Variants in NEMP2 observed in about 807,000 individuals in gnomAD.
NEMP2 encodes the protein UPF0571 transmembrane protein.
NEMP2 carries 53 observed loss-of-function variants against 54.2 expected under a neutral mutation model. The observed-to-expected ratio is 0.98, with a 90% CI of 0.78 to 1.23. The LOEUF is 1.23. Among genes scored for constraint, NEMP2 ranks in the 50% most tolerant of loss-of-function variants. The pLI, the probability that NEMP2 is intolerant of heterozygous loss-of-function variation, is 0.00. For missense variants in NEMP2, 455 were observed against 511.3 expected (o/e 0.89, Z 1.06); for synonymous variants, 197 against 190.3 (o/e 1.04, Z -0.29).
At chr2:190,550,286 T>C in the NEMP2 span, among the ~76,000 whole-genome samples, 1 of 152,152 alleles carries the variant, frequency 6.6e-6, no homozygotes, top group Non-Finnish European at 1.5e-5. The surrounding 1 kb of genome is among the most constrained non-coding windows in gnomAD (Gnocchi z 4.7). Context: ...TTTCCCAGTT[T>C]ATAGGTGGCT....
intron 5 of NEMP2, among the ~76,000 whole-genome samples, chr2:190,516,946 C>T (rs1187453391): frequency 6.6e-6 from 1 of 151,894 alleles, no homozygotes; most frequent in East Asian, 1.9e-4. Flanking sequence ...CAAAAATTAG[C>T]TGGGCATGGT....
At chr2:190,546,081 C>T in the NEMP2 span, among the ~76,000 whole-genome samples, 1 of 152,098 alleles carries the variant, frequency 6.6e-6, no homozygotes, top group Non-Finnish European at 1.5e-5. The surrounding 1 kb of genome is among the most constrained non-coding windows in gnomAD (Gnocchi z 5.1). Flanking sequence ...ATAACAAAAT[C>T]ACAATTTCTA....
the NEMP2 span, among the ~76,000 whole-genome samples, chr2:190,429,240 G>GTA: frequency 6.6e-6 from 1 of 151,236 alleles, no homozygotes; most frequent in Non-Finnish European, 1.5e-5. Context: ...GTGTGTGTGT[G>GTA]TGTGTGTGTA....
chr2:190,448,559 T>C, the NEMP2 span, among the ~76,000 whole-genome samples: 2 of 152,172 alleles, frequency 1.3e-5, no homozygotes, highest in South Asian at 4.1e-4. Flanking sequence ...AAAAAGCAGG[T>C]TTCAAAATAA....
At chr2:190,442,108 G>C in the NEMP2 span, among the ~76,000 whole-genome samples, 3 of 152,144 alleles carry the variant, frequency 2.0e-5, no homozygotes, top group African/African-American at 7.2e-5. Flanking sequence ...CTTAAGGGAG[G>C]ATTAATTCTT....
At chr2:190,571,213 A>T in the NEMP2 span, among the ~76,000 whole-genome samples, 1 of 152,360 alleles carries the variant, frequency 6.6e-6, no homozygotes, top group South Asian at 2.1e-4. Context: ...TACTTAAAAT[A>T]GACTTAGCTA....
At chr2:190,424,111 T>C in the NEMP2 span, among the ~76,000 whole-genome samples, 1 of 152,192 alleles carries the variant, frequency 6.6e-6, no homozygotes, top group African/African-American at 2.4e-5. The surrounding 1 kb of genome is among the most constrained non-coding windows in gnomAD (Gnocchi z 5.9). Context: ...TTGCAGAGTC[T>C]TTTAAAGAGC....
Position 190,531,162 on chromosome 2 carries a change from C to T in NEMP2, c.97+3397G>A, listed in dbSNP as rs1691130802. ...ATCTAACAATAATCATTCATTTGGT[C>T]AAAAGGGAACAATACCTGCCTAGGG... On this transcript the variant is annotated intron_variant, in intron 1 of 8. Coordinates refer to ENST00000409150, the MANE Select transcript of NEMP2 (RefSeq NM_001142645.2). The surrounding 1 kb of genome is among the most constrained non-coding windows in gnomAD (Gnocchi z 4.7). Among the ~76,000 whole-genome samples the T allele has an allele frequency of 6.6e-6, 1 of 152,176 alleles. No individual in the cohort carries two copies. Among genetic ancestry groups the T allele is most frequent in the South Asian group, 2.1e-4 (1 of 4,828 alleles).
rs1185285273 is a variant in NEMP2 at position 190,530,203 on chromosome 2, G to T, written c.97+4356C>A. Among the ~76,000 whole-genome samples the T allele has an allele frequency of 2.0e-5, 3 of 152,200 alleles. No homozygotes were observed. Among genetic ancestry groups the T allele is most frequent in the African/African-American group, 7.2e-5 (3 of 41,450 alleles). On this transcript the variant is annotated intron_variant, in intron 1 of 8. Transcript: ENST00000409150. This position sits in a 1 kb window ranked among gnomAD's most constrained non-coding sequence, Gnocchi z 4.6. ...GAAGGAGGTTGTCCTGACTGTTCAT[G>T]CCTATAGACACGCTAGTAAAAGCAT...
chr2:190,557,203 C>A, the NEMP2 span, among the ~76,000 whole-genome samples: 1 of 152,106 alleles, frequency 6.6e-6, no homozygotes, highest in Non-Finnish European at 1.5e-5. Flanking sequence ...TTTGACAAAC[C>A]TGACAAAAAA....
the NEMP2 span, among the ~76,000 whole-genome samples, chr2:190,447,657 A>C: frequency 6.6e-6 from 1 of 152,208 alleles, no homozygotes; most frequent in African/African-American, 2.4e-5. The surrounding 1 kb of genome is among the most constrained non-coding windows in gnomAD (Gnocchi z 4.5). Flanking sequence ...GCTATTATTT[A>C]TATGTGGGTA....
the NEMP2 span, chr2:190,436,112 G>A: frequency 6.2e-7 from 1 of 1,614,172 alleles, no homozygotes; most frequent in East Asian, 2.2e-5. The surrounding 1 kb of genome is among the most constrained non-coding windows in gnomAD (Gnocchi z 5.3). Flanking sequence ...CCCTTTAATG[G>A]TATTTCCAGG....
At chr2:190,579,288 T>C in the NEMP2 span, among the ~76,000 whole-genome samples, 2 of 151,408 alleles carry the variant, frequency 1.3e-5, no homozygotes, top group South Asian at 2.1e-4. Context: ...TAAAGACACA[T>C]GGGTGACAGA....
At chr2:190,465,715 G>A in the NEMP2 span, among the ~76,000 whole-genome samples, 1 of 152,074 alleles carries the variant, frequency 6.6e-6, no homozygotes, top group African/African-American at 2.4e-5. The surrounding 1 kb of genome is among the most constrained non-coding windows in gnomAD (Gnocchi z 4.6). Flanking sequence ...GTTTATGGCC[G>A]GGCGTGGTGG....
In NEMP2 at chr2:190,519,841, A is replaced by G. The variant is rs1690693354; in HGVS notation, c.214-658T>C. Among the ~76,000 whole-genome samples, 1 of 152,192 alleles carries G rather than the reference A, an allele frequency of 6.6e-6. No homozygotes were observed. Among genetic ancestry groups the G allele is most frequent in the Non-Finnish European group, 1.5e-5 (1 of 68,028 alleles). On this transcript the variant is annotated intron_variant, in intron 2 of 8. Transcript: ENST00000409150. This position sits in a 1 kb window ranked among gnomAD's most constrained non-coding sequence, Gnocchi z 5.4. Reference sequence around the variant, plus strand: ...CATCACTGTGCTTTGCAGATAGTGCATTTCTTACAAACGGAAGGTTTGTGC... The same window carrying G: ...CATCACTGTGCTTTGCAGATAGTGCGTTTCTTACAAACGGAAGGTTTGTGC...
chr2:190,583,474 G>A, the NEMP2 span, among the ~76,000 whole-genome samples: 26 of 152,292 alleles, frequency 1.7e-4, no homozygotes, highest in African/African-American at 2.4e-4. Context: ...TGCATGTTGC[G>A]TCTTCCTTAG....
the NEMP2 span, among the ~76,000 whole-genome samples, chr2:190,545,866 C>G: frequency 6.6e-6 from 1 of 152,144 alleles, no homozygotes; most frequent in African/African-American, 2.4e-5. Flanking sequence ...TACTCCGTAT[C>G]TGGCTACATT....
the NEMP2 span, chr2:190,626,454 G>A: frequency 7.3e-5 from 11 of 151,112 alleles, no homozygotes; most frequent in South Asian, 2.1e-4. The surrounding 1 kb of genome is among the most constrained non-coding windows in gnomAD (Gnocchi z 4.5). Context: ...TAAGAGTGTC[G>A]AGAGAGAGAG....
chr2:190,632,947 G>C, the NEMP2 span, among the ~76,000 whole-genome samples: 64 of 152,262 alleles, frequency 4.2e-4, no homozygotes, highest in South Asian at 1.0e-3. This position sits in a 1 kb window ranked among gnomAD's most constrained non-coding sequence, Gnocchi z 4.8. Flanking sequence ...CCCACCCACC[G>C]TTGCAGTACT....
Sources: gnomAD v4.1 joint callset for allele counts (sites outside exome capture counted in the v4.1 genomes callset) on GRCh38, gnomAD v4.1.1 for gene constraint, Gnocchi (gnomAD v3.1) non-coding constraint, MANE v1.5 for transcripts, NCBI Gene and HGNC (gene_info 2026-07-23, HGNC 2026-07-21) for gene names.